Variants in CNTN4 observed in about 807,000 individuals in gnomAD.
The protein encoded by CNTN4 is contactin 4.
CNTN4 carries 77 observed loss-of-function variants against 122.5 expected under a neutral mutation model. That is an observed-to-expected ratio of 0.63 (90% CI 0.52 to 0.76). CNTN4 has a LOEUF of 0.76. CNTN4 is among the 30% of genes least tolerant of loss of function. CNTN4 has a pLI of 0.00. For missense variants in CNTN4, 1,256 were observed against 1,259.1 expected, an observed-to-expected ratio of 1.00 and a Z score of 0.04; for synonymous variants, 512 against 447.0, an observed-to-expected ratio of 1.15 and a Z score of -1.83.
intron 4 of CNTN4, among the ~76,000 whole-genome samples, chr3:2,682,400 C>T (rs1003443307): frequency 9.9e-5 from 15 of 151,990 alleles, no homozygotes; most frequent in African/African-American, 3.6e-4. Context: ...GTCAGAGACC[C>T]CTTTAGTCAT....
intron 13 of CNTN4, among the ~76,000 whole-genome samples, chr3:2,960,502 TTAAAA>T (rs1055327483): frequency 6.6e-6 from 1 of 152,216 alleles, no homozygotes; most frequent in Admixed American, 6.5e-5. Context: ...AATAGGCCTG[TTAAAA>T]TAAAACATTT....
At chr3:2,718,851 T>C (rs1029129223) in intron 4 of CNTN4, among the ~76,000 whole-genome samples, 3 of 152,178 alleles carry the variant, frequency 2.0e-5, no homozygotes, top group Admixed American at 6.5e-5. Flanking sequence ...AATGTAGACA[T>C]ATGCACATTC....
intron 2 of CNTN4, among the ~76,000 whole-genome samples, chr3:2,263,856 G>A (rs1005901396): frequency 3.2e-5 from 4 of 123,206 alleles, no homozygotes; most frequent in African/African-American, 5.2e-5. Context: ...TTTAGTTTTT[G>A]TATATAAGTG....
intron 2 of CNTN4, among the ~76,000 whole-genome samples, chr3:2,191,712 A>C (rs545587750): frequency 5.6e-4 from 82 of 146,428 alleles, no homozygotes; most frequent in African/African-American, 2.1e-3. Context: ...ATATATATAC[A>C]CACACACACA....
intron 5 of CNTN4, among the ~76,000 whole-genome samples, chr3:2,738,882 TATAAA>T (rs2089295470): frequency 6.6e-6 from 1 of 151,990 alleles, no homozygotes; most frequent in African/African-American, 2.4e-5. Context: ...AAATACAACT[TATAAA>T]AGAAAATATT....
chr3:2,337,045 G>A (rs1434819042), intron 2 of CNTN4, among the ~76,000 whole-genome samples: 1 of 152,134 alleles, frequency 6.6e-6, no homozygotes, highest in Non-Finnish European at 1.5e-5. Context: ...AGCAACAGGT[G>A]GGATGCATTC....
chr3:2,790,459 G>C (rs1047141119), intron 6 of CNTN4, among the ~76,000 whole-genome samples: 3 of 152,198 alleles, frequency 2.0e-5, no homozygotes, highest in Non-Finnish European at 4.4e-5. Flanking sequence ...CCTCAGAAGG[G>C]AAAGGAGCAG....
chr3:2,549,796 C>G (rs2078407931), intron 3 of CNTN4, among the ~76,000 whole-genome samples: 1 of 152,214 alleles, frequency 6.6e-6, no homozygotes, highest in African/African-American at 2.4e-5. Context: ...CTTTGTACCT[C>G]TGGTAGAATT....
chr3:2,344,257 C>T (rs2044314388), intron 3 of CNTN4, among the ~76,000 whole-genome samples: 1 of 151,644 alleles, frequency 6.6e-6, no homozygotes. Context: ...ACCTGACTGC[C>T]AAGGCCAAAG....
chr3:2,278,092 A>C (rs1273004232), intron 2 of CNTN4, among the ~76,000 whole-genome samples: 1 of 152,212 alleles, frequency 6.6e-6, no homozygotes, highest in East Asian at 1.9e-4. Flanking sequence ...TCAGCTTTTC[A>C]TTAAATGTCT....
intron 3 of CNTN4, among the ~76,000 whole-genome samples, chr3:2,552,333 C>A (rs1192063331): frequency 6.6e-6 from 1 of 152,194 alleles, no homozygotes; most frequent in East Asian, 1.9e-4. Context: ...AACAACTTCA[C>A]TTCTTTTGAC....
intron 13 of CNTN4, among the ~76,000 whole-genome samples, chr3:2,938,894 A>T (rs2094588323): frequency 1.3e-5 from 2 of 152,192 alleles, no homozygotes; most frequent in Non-Finnish European, 2.9e-5. Context: ...TATTCAAACC[A>T]AAGTGGCATG....
chr3:2,732,534 T>C (rs2088772918), intron 4 of CNTN4, among the ~76,000 whole-genome samples: 1 of 152,054 alleles, frequency 6.6e-6, no homozygotes, highest in Non-Finnish European at 1.5e-5. Context: ...CTTTATCTTC[T>C]AGGCTTTGAA....
intron 3 of CNTN4, among the ~76,000 whole-genome samples, chr3:2,393,231 A>C (rs2046511672): frequency 7.4e-6 from 1 of 135,822 alleles, no homozygotes; most frequent in Non-Finnish European, 1.6e-5. Flanking sequence ...TTATGAGAAT[A>C]CCAGTCATAA....
At position 3,000,191 on chromosome 3, in the gene CNTN4, A is replaced by C. The variant is rs1345905555; in HGVS notation, c.1486+11719A>C. ...ACAATATATATACTCTTTAAAAAAAAAATTAAATCTAGAACATAATAGTGT... is the reference window on the plus strand; with the variant it reads ...ACAATATATATACTCTTTAAAAAAACAATTAAATCTAGAACATAATAGTGT... On this transcript the variant is annotated intron_variant, in intron 14 of 24. Transcript: ENST00000418658. Among the ~76,000 whole-genome samples, 8 of 152,176 alleles carry C rather than the reference A, an allele frequency of 5.3e-5. No homozygotes were observed. In the East Asian group the frequency reaches 1.5e-3, roughly 29 times the overall value.
intron 3 of CNTN4, among the ~76,000 whole-genome samples, chr3:2,533,444 C>G (rs971765053): frequency 2.0e-5 from 3 of 152,084 alleles, no homozygotes; most frequent in African/African-American, 7.2e-5. Context: ...TCATCCATGT[C>G]CCTACAAAGG....
At chr3:2,118,279 G>C (rs1435216876) in intron 2 of CNTN4, among the ~76,000 whole-genome samples, 1 of 152,198 alleles carries the variant, frequency 6.6e-6, no homozygotes, top group Non-Finnish European at 1.5e-5. Context: ...CAGATCCCAG[G>C]TATACCTGAT....
At chr3:2,456,841 G>A (rs945231519) in intron 3 of CNTN4, among the ~76,000 whole-genome samples, 7 of 152,108 alleles carry the variant, frequency 4.6e-5, no homozygotes, top group African/African-American at 1.7e-4. Flanking sequence ...TCATACACAA[G>A]TATTTGCTTG....
At chr3:2,839,145 C>G (rs1355572251) in intron 7 of CNTN4, among the ~76,000 whole-genome samples, 3 of 152,088 alleles carry the variant, frequency 2.0e-5, no homozygotes, top group African/African-American at 7.2e-5. Context: ...ATGTCAAAAC[C>G]TTGGAAATAG....
Sources: gnomAD v4.1 joint callset for allele counts (sites outside exome capture counted in the v4.1 genomes callset) on GRCh38, gnomAD v4.1.1 for gene constraint, MANE v1.5 for transcripts, NCBI Gene and HGNC (gene_info 2026-07-23, HGNC 2026-07-21) for gene names.